STAMBPL1: variants seen among roughly 807,000 people sequenced by gnomAD.
The protein encoded by STAMBPL1 is AMSH-like protease.
STAMBPL1 carries 44 observed loss-of-function variants against 52.9 expected under a neutral mutation model. The observed-to-expected ratio is 0.83, with a 90% CI of 0.65 to 1.07. The LOEUF (loss-of-function observed/expected upper bound fraction) is 1.07, where lower values mean the gene tolerates loss of function less well. STAMBPL1 is among the 50% of genes least tolerant of loss of function. The probability of loss-of-function intolerance (pLI) is 0.00; values close to 1 mark genes in which losing one functional copy is unlikely to be tolerated. For missense variants in STAMBPL1, 511 were observed against 520.8 expected (o/e 0.98, Z 0.18); for synonymous variants, 164 against 177.3 (o/e 0.92, Z 0.60).
intron 8 of STAMBPL1, among the ~76,000 whole-genome samples, chr10:88,917,924 G>T (rs987158237): frequency 6.6e-6 from 1 of 152,080 alleles, no homozygotes; most frequent in African/African-American, 2.4e-5. Context: ...GCACCTTGTT[G>T]CTGTGTCCTC....
At position 88,921,446 on chromosome 10, in the gene STAMBPL1, T is replaced by G. The variant is rs1173581192; in HGVS notation, c.1154+51T>G. 3 of 1,450,520 alleles carry G rather than the reference T, an allele frequency of 2.1e-6. No homozygotes were observed. In the South Asian group the frequency reaches 3.5e-5, roughly 17 times the overall value. 89.9% of individuals were successfully genotyped at this position (1,450,520 alleles called of 1,614,324 possible). A position where few individuals can be genotyped will look rare whatever the true frequency, so the allele number is the denominator to read the frequency against. ...CAAAGAAGGCTTTGTCCAGGGCTGC[T>G]GGGTTCCTGTGTGTCCAGACACCAG... On this transcript the variant is annotated intron_variant, in intron 9 of 10. Transcript: ENST00000371926.
Position 88,913,443 on chromosome 10 carries a change from C to CT in STAMBPL1, c.764dup (p.Ser256LysfsTer9). The CT allele has an allele frequency of 3.7e-6, 6 of 1,611,936 alleles. No homozygotes were observed. The highest frequency in any genetic ancestry group is 5.1e-6 in the Non-Finnish European group (6 of 1,178,762). Reference sequence around the variant, plus strand: ...CAGGGCCTTAACGCCAGCTGCTACTCTAAGTGCTGTTCAGAGTAAGTGATG... The same window carrying CT: ...CAGGGCCTTAACGCCAGCTGCTACTCTTAAGTGCTGTTCAGAGTAAGTGATG... On this transcript the variant is annotated frameshift_variant, in exon 6 of 11. Transcript: ENST00000371926. LOFTEE classifies it high-confidence loss of function.
chr10:88,900,208 G>A (rs1350583054), intron 1 of STAMBPL1, among the ~76,000 whole-genome samples: 1 of 152,192 alleles, frequency 6.6e-6, no homozygotes, highest in Non-Finnish European at 1.5e-5. Context: ...CACTGGAGCT[G>A]TTGATTGATC....
chr10:88,888,240 G>C (rs1460167003), intron 1 of STAMBPL1, among the ~76,000 whole-genome samples: 3 of 152,208 alleles, frequency 2.0e-5, no homozygotes, highest in African/African-American at 7.2e-5. Flanking sequence ...GAAAGGCTCA[G>C]ATAACAGAGG....
chr10:88,908,863 T>C, intron 4 of STAMBPL1, 86 bp downstream of exon 4: 1 of 1,132,314 alleles, frequency 8.8e-7, no homozygotes, highest in South Asian at 1.7e-5. Context: ...CTCCCCTTTC[T>C]CTTTCTCTTG....
At chr10:88,907,500 G>T (rs1424967498) in intron 3 of STAMBPL1, among the ~76,000 whole-genome samples, 2 of 152,110 alleles carry the variant, frequency 1.3e-5, no homozygotes, top group African/African-American at 4.8e-5. Flanking sequence ...TTCACCTTCT[G>T]CTCTGATCTT....
intron 1 of STAMBPL1, chr10:88,900,968 G>A (rs765222487): frequency 3.9e-5 from 6 of 152,172 alleles, no homozygotes; most frequent in Non-Finnish European, 5.9e-5. Context: ...CAGCAGGAGA[G>A]AATCTACTTC....
chr10:88,923,288 TTTC>T lies in STAMBPL1; in HGVS notation c.*67_*69del. ...ACTCATGGACATGTGGTTGCCGGAT[TTTC>T]TTAAGATGTTTCCAGAAATGACTGA... On this transcript the variant is annotated 3_prime_UTR_variant, in exon 11 of 11. Transcript: ENST00000371926. The T allele has an allele frequency of 6.6e-7, 1 of 1,522,018 alleles. No individual in the cohort carries two copies. The highest frequency in any genetic ancestry group is 1.4e-5 in the African/African-American group (1 of 70,294). 94.3% of individuals were successfully genotyped at this position (1,522,018 alleles called of 1,614,324 possible).
chr10:88,905,702 A>T, intron 3 of STAMBPL1, 42 bp downstream of exon 3: 1 of 1,491,044 alleles, frequency 6.7e-7, no homozygotes, highest in Non-Finnish European at 9.2e-7. Flanking sequence ...AATTGGAAAA[A>T]TATTTACATA....
intron 5 of STAMBPL1, 82 bp downstream of exon 5, chr10:88,911,093 T>C: frequency 2.2e-6 from 2 of 929,026 alleles, no homozygotes; most frequent in Non-Finnish European, 3.1e-6. Flanking sequence ...GATGAGTTTT[T>C]CAAATGTTTT....
intron 1 of STAMBPL1, among the ~76,000 whole-genome samples, chr10:88,895,241 T>C (rs1945388671): frequency 1.3e-5 from 2 of 152,210 alleles, no homozygotes; most frequent in Non-Finnish European, 2.9e-5. Context: ...TGTCTCTTTG[T>C]ATTAGAGATG....
chr10:88,885,584 G>A (rs7097946), intron 1 of STAMBPL1, among the ~76,000 whole-genome samples: 86,654 of 151,932 alleles, frequency 0.57, 25,430 homozygotes, highest in East Asian at 0.94. Flanking sequence ...AAAAACTTCT[G>A]TGCCATCCAC....
rs1275975711 is a variant in STAMBPL1 at position 88,913,141 on chromosome 10, A to C, written c.461A>C (p.Gln154Pro). 1 of 1,610,024 alleles carries C rather than the reference A, an allele frequency of 6.2e-7. No homozygotes were observed. Among genetic ancestry groups the C allele is most frequent in the Admixed American group, 1.7e-5 (1 of 59,278 alleles). Reference protein sequence around the residue: ...KAEILKKLEHQRLIEAERKRI... With the variant: ...KAEILKKLEHPRLIEAERKRI... ...GAAATTCTCAAAAAATTGGAGCATCAGAGATTGATAGAGGCAGAAAGGAAG... is the reference window on the plus strand; with the variant it reads ...GAAATTCTCAAAAAATTGGAGCATCCGAGATTGATAGAGGCAGAAAGGAAG... Residue 154 changes from glutamine to proline, a missense_variant, in exon 6 of 11, where the codon CAG becomes CCG. Physicochemically the swap from Gln to Pro is moderately conservative, Grantham distance 76. This residue lies in a region of STAMBPL1 where 358 missense variants were observed against 343.5 expected (regional missense o/e 1.04). Transcript: ENST00000371926.
chr10:88,890,434 A>G (rs760690795), intron 1 of STAMBPL1, among the ~76,000 whole-genome samples: 38 of 152,212 alleles, frequency 2.5e-4, no homozygotes, highest in Non-Finnish European at 4.7e-4. Flanking sequence ...AGGCAGAGAA[A>G]AGGGTGGGGT....
In STAMBPL1 at chr10:88,880,927, C is replaced by T. The variant is rs12257501; in HGVS notation, c.-54+289C>T. Reference sequence around the variant, plus strand: ...GGCAGGAAGACCTGGCTGCTGGTGGCAGGGCGGGACTCTGGCCGTGACCTA... The same window carrying T: ...GGCAGGAAGACCTGGCTGCTGGTGGTAGGGCGGGACTCTGGCCGTGACCTA... On this transcript the variant is annotated intron_variant, in intron 1 of 10. Coordinates refer to ENST00000371926, the MANE Select transcript of STAMBPL1 (RefSeq NM_020799.4). Among the ~76,000 whole-genome samples the T allele has an allele frequency of 0.04, 6,147 of 152,224 alleles. 429 individuals are homozygous for T. The highest frequency in any genetic ancestry group is 0.14 in the African/African-American group (5,819 of 41,516).
At chr10:88,881,244 A>G (rs894073868) in intron 1 of STAMBPL1, among the ~76,000 whole-genome samples, 8 of 152,170 alleles carry the variant, frequency 5.3e-5, no homozygotes, top group Non-Finnish European at 1.2e-4. Context: ...TCTCCAAAAC[A>G]TATTTTTTTC....
At chr10:88,886,674 T>C (rs759750799) in intron 1 of STAMBPL1, among the ~76,000 whole-genome samples, 1 of 152,212 alleles carries the variant, frequency 6.6e-6, no homozygotes, top group African/African-American at 2.4e-5. Context: ...TCTGGGTTAA[T>C]TTAGAAACAG....
intron 1 of STAMBPL1, among the ~76,000 whole-genome samples, chr10:88,898,164 A>G (rs1459697215): frequency 1.3e-5 from 2 of 152,192 alleles, no homozygotes; most frequent in African/African-American, 4.8e-5. Flanking sequence ...AGGACACTAA[A>G]AAGCTTTGTT....
At chr10:88,891,977 G>T (rs969204566) in intron 1 of STAMBPL1, among the ~76,000 whole-genome samples, 1 of 151,812 alleles carries the variant, frequency 6.6e-6, no homozygotes, top group Admixed American at 6.6e-5. Context: ...ATGGATGGAG[G>T]ACATTTGAAG....
Sources: allele counts gnomAD v4.1 joint callset (sites outside exome capture counted in the v4.1 genomes callset), GRCh38; gene constraint gnomAD v4.1.1; regional missense constraint gnomAD v4.1.1; transcripts MANE v1.5; gene names NCBI Gene and HGNC (gene_info 2026-07-23, HGNC 2026-07-21).